The following UTP20 variants were observed in gnomAD, a reference collection of about 807,000 sequenced individuals.
The protein encoded by UTP20 is small subunit processome component 20 homolog.
A neutral mutation model predicts 329.5 loss-of-function variants in UTP20; 164 were observed. The ratio of observed to expected loss-of-function variants is 0.50; its 90% CI spans 0.44 to 0.57. UTP20 has a LOEUF of 0.57. UTP20 is among the 20% of genes least tolerant of loss of function. The pLI is 0.00. For missense variants in UTP20, 3,055 were observed against 3,284.2 expected (o/e 0.93, Z 1.71); for synonymous variants, 1,151 against 1,159.3 (o/e 0.99, Z 0.14).
At chr12:101,338,326 T>C in intron 30 of UTP20, 49 bp downstream of exon 30, 1 of 1,585,614 alleles carries the variant, frequency 6.3e-7, no homozygotes, top group South Asian at 1.1e-5. Flanking sequence ...GCTGTAGCAA[T>C]TGTTTCCTTA....
intron 50 of UTP20, among the ~76,000 whole-genome samples, chr12:101,370,843 A>G (rs1870260687): frequency 1.3e-5 from 2 of 152,206 alleles, no homozygotes; most frequent in Admixed American, 1.3e-4. Flanking sequence ...ACATAACATA[A>G]AACTCACCAT....
chr12:101,304,361 C>G (rs1248506407), intron 15 of UTP20, among the ~76,000 whole-genome samples: 1 of 152,208 alleles, frequency 6.6e-6, no homozygotes, highest in Non-Finnish European at 1.5e-5. Context: ...GAATAGAAAT[C>G]TCACCTTGTA....
chr12:101,286,174 T>G (rs1871954650), intron 4 of UTP20, 147 bp from the exon 5 acceptor site: 1 of 853,278 alleles, frequency 1.2e-6, no homozygotes, highest in African/African-American at 1.7e-5. Flanking sequence ...GATCTTAAGA[T>G]TTAAAGAATT....
Position 101,344,648 on chromosome 12 carries a change from CA to C in UTP20, c.4508del (p.Lys1503SerfsTer2), listed in dbSNP as rs1565799573. 4 of 1,488,608 alleles carry C rather than the reference CA, an allele frequency of 2.7e-6. No individual in the cohort carries two copies. Among genetic ancestry groups the C allele is most frequent in the Admixed American group, 3.3e-5 (2 of 59,858 alleles). 92.2% of individuals were successfully genotyped at this position (1,488,608 alleles called of 1,614,324 possible). The part of the protein sequence containing the change: ...NASMCLMSII[K>X]KLAALNVTEK... ...CCAGCATGTGCCTGATGAGTATCAT[CA>C]AAAAGCTAGCTGCCTTGAATGTCAC... On this transcript the variant is annotated frameshift_variant, in exon 36 of 62. Coordinates refer to ENST00000261637, the MANE Select transcript of UTP20 (RefSeq NM_014503.3). LOFTEE classifies it high-confidence loss of function.
chr12:101,386,139 A>C lies in UTP20; in HGVS notation c.*16A>C. ...GGTGGAGTAATGTCTCCCTGTGCTG[A>C]TACAAGCATGAACTTTCTGGAATAT... On this transcript the variant is annotated 3_prime_UTR_variant, in exon 62 of 62. Coordinates refer to ENST00000261637, the MANE Select transcript of UTP20 (RefSeq NM_014503.3). 1 of 1,591,232 alleles carries C rather than the reference A, an allele frequency of 6.3e-7. No homozygotes were observed. Among genetic ancestry groups the C allele is most frequent in the Non-Finnish European group, 8.5e-7 (1 of 1,174,518 alleles).
chr12:101,298,398 A>G (rs1422697808), intron 12 of UTP20, among the ~76,000 whole-genome samples: 1 of 152,166 alleles, frequency 6.6e-6, no homozygotes, highest in Non-Finnish European at 1.5e-5. Flanking sequence ...CAAAGATCTC[A>G]GTGAGAGACT....
intron 50 of UTP20, among the ~76,000 whole-genome samples, 154 bp downstream of exon 50, chr12:101,370,717 A>G (rs1870256885): frequency 6.6e-6 from 1 of 152,234 alleles, no homozygotes; most frequent in South Asian, 2.1e-4. Flanking sequence ...ATTACAGGTG[A>G]ACATTTGCTT....
chr12:101,376,849 T>C (rs1309502161), intron 56 of UTP20, among the ~76,000 whole-genome samples: 1 of 152,148 alleles, frequency 6.6e-6, no homozygotes, highest in Non-Finnish European at 1.5e-5. Flanking sequence ...GGTTTCACCA[T>C]GTTGGCCAGG....
chr12:101,381,303 G>A (rs182974032), intron 58 of UTP20, 92 bp downstream of exon 58: 19 of 1,095,380 alleles, frequency 1.7e-5, no homozygotes, highest in East Asian at 4.9e-5. Context: ...AGGCCGAGGC[G>A]GCCAGATCAC....
chr12:101,359,465 C>CTG (rs368060911), intron 43 of UTP20, among the ~76,000 whole-genome samples: 8,033 of 148,070 alleles, frequency 0.054, 248 homozygotes, highest in African/African-American at 0.071. Context: ...GTTCCTGAGG[C>CTG]TGTGTGTGTG....
Position 101,311,709 on chromosome 12 carries a change from T to G in UTP20, c.2232-10T>G, listed in dbSNP as rs1253892659. The G allele has an allele frequency of 5.0e-6, 8 of 1,598,846 alleles. No individual in the cohort carries two copies. The highest frequency in any genetic ancestry group is 6.8e-6 in the Non-Finnish European group (8 of 1,176,026). The stretch of plus-strand genomic sequence containing the variant: ...ACACTTTTTATTTTGTGATTTTTTT[T>G]TTCCCTTAGTTCTCATGCACACGAA... On this transcript the variant is annotated splice_polypyrimidine_tract_variant and intron_variant, in intron 19 of 61. Transcript: ENST00000261637.
intron 51 of UTP20, 79 bp downstream of exon 51, chr12:101,371,247 A>G: frequency 1.0e-6 from 1 of 1,000,968 alleles, no homozygotes; most frequent in Non-Finnish European, 1.5e-6. Flanking sequence ...ACACTGGCTG[A>G]ATTCTGAAGA....
At chr12:101,371,942 T>C (rs561401107) in intron 51 of UTP20, among the ~76,000 whole-genome samples, 1 of 152,294 alleles carries the variant, frequency 6.6e-6, no homozygotes, top group East Asian at 1.9e-4. Flanking sequence ...GAACACATAC[T>C]GTGCCCAAAG....
chr12:101,345,509 A>G, intron 36 of UTP20, 45 bp from the exon 37 acceptor site: 1 of 1,267,254 alleles, frequency 7.9e-7, no homozygotes, highest in Non-Finnish European at 1.1e-6. Context: ...TTAGAAACAA[A>G]TTCTTTTTAA....
rs759266823 is a variant in UTP20 at position 101,342,953 on chromosome 12, G to A, written c.4309G>A (p.Asp1437Asn). ...ITDVVKLNAFDQRHLDDINFD... is the reference protein window; with the variant it reads ...ITDVVKLNAFNQRHLDDINFD... ...GCATTTCTTATAGCTTAACGCCTTC[G>A]ATCAAAGACATCTTGATGATATCAA... Residue 1437 changes from aspartate to asparagine, a missense_variant, in exon 35 of 62, where the codon GAT becomes AAT. Transcript: ENST00000261637. The A allele has an allele frequency of 9.3e-6, 15 of 1,612,780 alleles. No individual in the cohort carries two copies. Among genetic ancestry groups the A allele is most frequent in the African/African-American group, 2.7e-5 (2 of 74,820 alleles).
At chr12:101,337,852 T>C (rs536651234) in intron 29 of UTP20, among the ~76,000 whole-genome samples, 199 bp from the exon 30 acceptor site, 7 of 152,180 alleles carry the variant, frequency 4.6e-5, no homozygotes, top group African/African-American at 1.4e-4. Flanking sequence ...GAAATATATA[T>C]AAAGTGCCTA....
chr12:101,320,760 C>T (rs1224621704), intron 23 of UTP20, 92 bp from the exon 24 acceptor site: 3 of 1,143,258 alleles, frequency 2.6e-6, no homozygotes, highest in African/African-American at 3.2e-5. Context: ...TAGAATTTTT[C>T]AAATCTCATT....
rs1435638396 is a variant in UTP20, at chr12:101,352,113, C to T, written c.4943C>T (p.Ser1648Phe). The change falls in exon 39 of 62, where the codon TCT becomes TTT. Residue 1648 changes from serine to phenylalanine, a missense_variant. Ser to Phe is a radical substitution (Grantham distance 155). Around this residue, in one of 3 missense-constraint regions of UTP20, gnomAD observed 2,445 missense variants for 2,575.5 expected, o/e 0.95. Transcript: ENST00000261637. Reference protein sequence around the residue: ...EIIGAICKHLSWSAYMYYLKH... With the variant: ...EIIGAICKHLFWSAYMYYLKH... ...ATTGGAGCCATTTGCAAACATCTCT[C>T]TTGGTCAGCGTATATGTATTACTTG... 6.2e-6 allele frequency: 10 copies of T among 1,613,906 alleles called. No homozygotes were observed. The highest frequency in any genetic ancestry group is 4.0e-5 in the African/African-American group (3 of 74,920).
chr12:101,322,460 A>C (rs1868396238), intron 25 of UTP20, among the ~76,000 whole-genome samples: 1 of 152,216 alleles, frequency 6.6e-6, no homozygotes, highest in Non-Finnish European at 1.5e-5. Context: ...ATGGTAGAGC[A>C]AAAAGATGAT....
Sources: allele counts gnomAD v4.1 joint callset (sites outside exome capture counted in the v4.1 genomes callset), GRCh38; gene constraint gnomAD v4.1.1; regional missense constraint gnomAD v4.1.1; transcripts MANE v1.5; gene names NCBI Gene and HGNC (gene_info 2026-07-23, HGNC 2026-07-21).